The following AGAP1 variants were observed in gnomAD, a reference collection of about 807,000 sequenced individuals.
AGAP1 encodes ArfGAP with GTPase domain, ankyrin repeat and PH domain 1.
A neutral mutation model predicts 105.3 loss-of-function variants in AGAP1; 29 were observed. The ratio of observed to expected loss-of-function variants is 0.28; its 90% CI spans 0.21 to 0.38. AGAP1 has a LOEUF of 0.38. AGAP1 is among the 10% of genes least tolerant of loss of function. The pLI, the probability that AGAP1 is intolerant of heterozygous loss-of-function variation, is 1.00. For synonymous variants in AGAP1, 509 were observed against 485.9 expected, an observed-to-expected ratio of 1.05 and a Z score of -0.63; for missense variants, 998 against 1,165.1, an observed-to-expected ratio of 0.86 and a Z score of 2.09.
intron 9 of AGAP1, among the ~76,000 whole-genome samples, chr2:235,835,476 C>T (rs902489285): frequency 2.6e-5 from 4 of 152,218 alleles, no homozygotes; most frequent in Admixed American, 6.5e-5. Context: ...AGATGTTGCT[C>T]ATGTAGCCCC....
At chr2:235,916,327 A>T (rs1287983464) in intron 11 of AGAP1, among the ~76,000 whole-genome samples, 1 of 152,192 alleles carries the variant, frequency 6.6e-6, no homozygotes, top group Non-Finnish European at 1.5e-5. Context: ...ATGAGGATCC[A>T]CCAGAAGCCA....
chr2:235,698,446 T>A (rs926339527), intron 1 of AGAP1, among the ~76,000 whole-genome samples: 3 of 152,062 alleles, frequency 2.0e-5, no homozygotes, highest in South Asian at 2.1e-4. Flanking sequence ...GAAAAAAAAA[T>A]GGCTGTGAAT....
Position 235,875,298 on chromosome 2 carries a change from T to A in AGAP1, c.1051-8047T>A, listed in dbSNP as rs1162921448. ...AATTGTAATAAAATCGATGGTATTT[T>A]AAATTGTTGGGATGAACAAGCACTT... On this transcript the variant is annotated intron_variant, in intron 9 of 17. Transcript: ENST00000304032. This position sits in a 1 kb window ranked among gnomAD's most constrained non-coding sequence, Gnocchi z 4.0. Among the ~76,000 whole-genome samples the A allele has an allele frequency of 6.6e-6, 1 of 152,232 alleles. No individual in the cohort carries two copies. Among genetic ancestry groups the A allele is most frequent in the Non-Finnish European group, 1.5e-5 (1 of 68,048 alleles).
chr2:236,049,331 G>C (rs532986231), intron 16 of AGAP1, 50 bp downstream of exon 16: 1 of 1,553,596 alleles, frequency 6.4e-7, no homozygotes, highest in South Asian at 1.2e-5. Flanking sequence ...CCAACAGTTA[G>C]GCAACTGGAA....
chr2:236,106,821 G>A (rs1017910691), intron 16 of AGAP1, among the ~76,000 whole-genome samples: 19 of 152,308 alleles, frequency 1.2e-4, no homozygotes, highest in Middle Eastern at 6.8e-3. Context: ...GGACCCAGGA[G>A]AGAGAAGCCA....
intron 9 of AGAP1, chr2:235,853,007 C>T (rs2048541014): frequency 2.4e-6 from 3 of 1,247,196 alleles, no homozygotes; most frequent in African/African-American, 1.5e-5. Context: ...AGCGCTCCTC[C>T]AGAAAGTTCG....
chr2:235,537,267 G>A (rs1478000191), intron 1 of AGAP1, among the ~76,000 whole-genome samples: 12 of 152,232 alleles, frequency 7.9e-5, no homozygotes, highest in Admixed American at 3.3e-4. Flanking sequence ...GAGCCTGGCC[G>A]GGAAGGTGGC....
chr2:235,774,872 CCATT>C (rs1474554577), intron 6 of AGAP1, among the ~76,000 whole-genome samples: 15 of 152,152 alleles, frequency 9.9e-5, no homozygotes, highest in African/African-American at 3.6e-4. Flanking sequence ...ATTCACTCGC[CCATT>C]CATTCACCTC....
At position 235,994,625 on chromosome 2, in the gene AGAP1, C is replaced by T. The variant is rs2317298; in HGVS notation, c.1645+26002C>T. ...TCTTATTCAGTCCCGACTTTCCCAACGCCTCGCAGCCCGATGATACAGAGA... is the reference window on the plus strand; with the variant it reads ...TCTTATTCAGTCCCGACTTTCCCAATGCCTCGCAGCCCGATGATACAGAGA... On this transcript the variant is annotated intron_variant, in intron 13 of 17. Coordinates refer to ENST00000304032, the MANE Select transcript of AGAP1 (RefSeq NM_001037131.3). This position sits in a 1 kb window ranked among gnomAD's most constrained non-coding sequence, Gnocchi z 4.4. Among the ~76,000 whole-genome samples, 549 of 152,274 alleles carry T rather than the reference C, an allele frequency of 3.6e-3. 6 individuals carry two copies. The highest frequency in any genetic ancestry group is 0.012 in the African/African-American group (494 of 41,562).
intron 9 of AGAP1, among the ~76,000 whole-genome samples, chr2:235,815,615 C>G (rs1368347802): frequency 6.6e-6 from 1 of 152,152 alleles, no homozygotes; most frequent in African/African-American, 2.4e-5. Flanking sequence ...AATGTCCTAG[C>G]TTAGGCCTTC....
chr2:235,982,467 G>A lies in AGAP1; in HGVS notation c.1645+13844G>A, dbSNP rs1348133212. On this transcript the variant is annotated intron_variant, in intron 13 of 17. Transcript: ENST00000304032. This position sits in a 1 kb window ranked among gnomAD's most constrained non-coding sequence, Gnocchi z 4.9. ...GAAGGGGGGACGATTCATGCAATGA[G>A]GCACTGCTGTTGTGGGGTGTTGGTT... Among the ~76,000 whole-genome samples, 1 of 152,210 alleles carries A rather than the reference G, an allele frequency of 6.6e-6. No homozygotes were observed. Among genetic ancestry groups the A allele is most frequent in the Non-Finnish European group, 1.5e-5 (1 of 68,052 alleles).
At chr2:235,674,503 T>C (rs1462583619) in intron 1 of AGAP1, among the ~76,000 whole-genome samples, 1 of 152,192 alleles carries the variant, frequency 6.6e-6, no homozygotes, top group African/African-American at 2.4e-5. Flanking sequence ...TCGGTGTCTT[T>C]AGAGTGTTCT....
At chr2:235,684,199 G>A (rs1479058268) in intron 1 of AGAP1, among the ~76,000 whole-genome samples, 2 of 152,030 alleles carry the variant, frequency 1.3e-5, no homozygotes, top group Admixed American at 6.5e-5. Flanking sequence ...CCGCCACCAC[G>A]CCTGGCTAAT....
chr2:235,941,504 G>C (rs2053256165), intron 12 of AGAP1, among the ~76,000 whole-genome samples: 1 of 152,182 alleles, frequency 6.6e-6, no homozygotes, highest in Non-Finnish European at 1.5e-5. Flanking sequence ...AATGTGCTTT[G>C]TCAGGTGGTG....
In AGAP1 at chr2:235,712,970, G is replaced by C. The variant is rs778917410; in HGVS notation, c.222+3733G>C. Among the ~76,000 whole-genome samples, 1 of 152,122 alleles carries C rather than the reference G, an allele frequency of 6.6e-6. No homozygotes were observed. The highest frequency in any genetic ancestry group is 1.5e-5 in the Non-Finnish European group (1 of 68,030). ...CGTTTCAAATTAAAATGATGCCATC[G>C]TGTGTGACTGAGGTGGTCTGTGAGA... On this transcript the variant is annotated intron_variant, in intron 2 of 17. Coordinates refer to ENST00000304032, the MANE Select transcript of AGAP1 (RefSeq NM_001037131.3). The surrounding 1 kb of genome is among the most constrained non-coding windows in gnomAD (Gnocchi z 6.0).
chr2:235,807,989 A>G (rs1009978986), intron 9 of AGAP1, among the ~76,000 whole-genome samples: 1 of 152,164 alleles, frequency 6.6e-6, no homozygotes, highest in African/African-American at 2.4e-5. Flanking sequence ...CTAGCCTGGA[A>G]CAGGGTTTCA....
intron 16 of AGAP1, among the ~76,000 whole-genome samples, chr2:236,106,136 G>C (rs2059484938): frequency 6.6e-6 from 1 of 152,204 alleles, no homozygotes; most frequent in Non-Finnish European, 1.5e-5. Context: ...GCAGCCTTTG[G>C]GGCCCTAGGC....
chr2:235,538,638 C>G (rs1422499461), intron 1 of AGAP1, among the ~76,000 whole-genome samples: 1 of 152,078 alleles, frequency 6.6e-6, no homozygotes. Context: ...ACGGAGACTG[C>G]TTACCCTCTT....
At position 235,555,712 on chromosome 2, in the gene AGAP1, C is replaced by A. The variant is rs937415389; in HGVS notation, c.163+60863C>A. Among the ~76,000 whole-genome samples, 1 of 152,200 alleles carries A rather than the reference C, an allele frequency of 6.6e-6. No individual in the cohort carries two copies. The highest frequency in any genetic ancestry group is 1.5e-5 in the Non-Finnish European group (1 of 68,022). On this transcript the variant is annotated intron_variant, in intron 1 of 17. Transcript: ENST00000304032. The surrounding 1 kb of genome is among the most constrained non-coding windows in gnomAD (Gnocchi z 5.1). The stretch of plus-strand genomic sequence containing the variant: ...CTTCTGCTTTGGCCTTGTCAGTCTC[C>A]TTCTGTGATTCAGACCGTAGTGAAG...
Sources: allele counts gnomAD v4.1 joint callset (sites outside exome capture counted in the v4.1 genomes callset), GRCh38; gene constraint gnomAD v4.1.1; non-coding constraint Gnocchi (gnomAD v3.1); transcripts MANE v1.5; gene names NCBI Gene and HGNC (gene_info 2026-07-23, HGNC 2026-07-21).